Variants in GLS observed in about 807,000 individuals in gnomAD.
GLS encodes the protein glutaminase, also known as glutaminase kidney isoform, mitochondrial.
A neutral mutation model predicts 86.7 loss-of-function variants in GLS; 36 were observed. That is an observed-to-expected ratio of 0.42 (90% CI 0.32 to 0.55). The LOEUF is 0.55. Ranked by LOEUF, GLS falls within the 20% of genes least tolerant of loss-of-function variation. GLS has a pLI of 0.17. For synonymous variants in GLS, 317 were observed against 305.9 expected (o/e 1.04, Z -0.38); for missense variants, 528 against 833.4 (o/e 0.63, Z 4.51).
rs1000448465 is a variant in GLS, at chr2:190,949,914, C to G, written c.1651-3651C>G. ...TATATTTAATGAGAGAGACAAAAAACAAGTATATATAAAAATATATATACT... is the reference window on the plus strand; with the variant it reads ...TATATTTAATGAGAGAGACAAAAAAGAAGTATATATAAAAATATATATACT... On this transcript the variant is annotated intron_variant, in intron 14 of 17. Coordinates refer to ENST00000320717, the MANE Select transcript of GLS (RefSeq NM_014905.5). The surrounding 1 kb of genome is among the most constrained non-coding windows in gnomAD (Gnocchi z 4.0). 4.0e-5 allele frequency among the ~76,000 whole-genome samples: 6 copies of G among 149,242 alleles called. No individual in the cohort carries two copies. The highest frequency in any genetic ancestry group is 1.5e-4 in the African/African-American group (6 of 40,480).
chr2:190,894,291 A>G (rs1688656699), intron 1 of GLS, among the ~76,000 whole-genome samples: 1 of 152,234 alleles, frequency 6.6e-6, no homozygotes, highest in African/African-American at 2.4e-5. Flanking sequence ...TACTTATAAT[A>G]CCTAATAAAA....
chr2:190,880,915 GCAGCA>G lies in GLS; in HGVS notation c.-168_-164del, dbSNP rs1559309611. 14 of 917,054 alleles carry G rather than the reference GCAGCA, an allele frequency of 1.5e-5. No homozygotes were observed. The African/African-American group carries it at 2.4e-4, about 16-fold the overall frequency. The allele number at this position is 917,054 out of a possible 1,614,324, so 56.8% of individuals were successfully genotyped here. On this transcript the variant is annotated 5_prime_UTR_variant, in exon 1 of 18. Transcript: ENST00000320717. ...AGCAGCAGCAGCAGCAGCAGCAGCA[GCAGCA>G]CCCGCATCCGCTGCGGGAGTCCGAG...
rs914728136 is a variant in GLS, at chr2:190,947,017, A to G, written c.1651-6548A>G. On this transcript the variant is annotated intron_variant, in intron 14 of 17. Coordinates refer to ENST00000320717, the MANE Select transcript of GLS (RefSeq NM_014905.5). The surrounding 1 kb of genome is among the most constrained non-coding windows in gnomAD (Gnocchi z 5.0). Reference sequence around the variant, plus strand: ...ATATTTTATAACCAGCCTGTCAGGGATTTTTAAAAACAACTATAACTGTTT... The same window carrying G: ...ATATTTTATAACCAGCCTGTCAGGGGTTTTTAAAAACAACTATAACTGTTT... 2.0e-5 allele frequency among the ~76,000 whole-genome samples: 3 copies of G among 152,190 alleles called. No individual in the cohort carries two copies. Among genetic ancestry groups the G allele is most frequent in the African/African-American group, 7.2e-5 (3 of 41,458 alleles).
chr2:190,886,954 G>A (rs1029784526), intron 1 of GLS, among the ~76,000 whole-genome samples: 7 of 151,396 alleles, frequency 4.6e-5, no homozygotes, highest in Admixed American at 1.3e-4. Context: ...GTAAAAGGCT[G>A]TACTACTTCC....
intron 12 of GLS, among the ~76,000 whole-genome samples, chr2:190,927,896 A>G (rs1328972874): frequency 6.6e-6 from 1 of 152,210 alleles, no homozygotes; most frequent in Admixed American, 6.5e-5. Context: ...TTAAAACTTA[A>G]CAAAAATGTA....
At position 190,951,013 on chromosome 2, in the gene GLS, T is replaced by A. The variant is rs1478417506; in HGVS notation, c.1651-2552T>A. Reference sequence around the variant, plus strand: ...GTTTGAAGTGACTATCAAGTGGAGCTGTAGGACTGGAGCTTAGGAGAAAGA... The same window carrying A: ...GTTTGAAGTGACTATCAAGTGGAGCAGTAGGACTGGAGCTTAGGAGAAAGA... On this transcript the variant is annotated intron_variant, in intron 14 of 17. Coordinates refer to ENST00000320717, the MANE Select transcript of GLS (RefSeq NM_014905.5). The surrounding 1 kb of genome is among the most constrained non-coding windows in gnomAD (Gnocchi z 4.2). Among the ~76,000 whole-genome samples, 1 of 152,158 alleles carries A rather than the reference T, an allele frequency of 6.6e-6. No homozygotes were observed. The highest frequency in any genetic ancestry group is 2.4e-5 in the African/African-American group (1 of 41,426).
rs1054364532 is a variant in GLS, at chr2:190,895,898, G to A, written c.605+173G>A. The A allele has an allele frequency of 2.3e-5, 10 of 436,092 alleles. No individual in the cohort carries two copies. Among genetic ancestry groups the A allele is most frequent in the African/African-American group, 6.0e-5 (3 of 50,234 alleles). The allele number at this position is 436,092 out of a possible 1,614,324, so 27.0% of individuals were successfully genotyped here. On this transcript the variant is annotated intron_variant, in intron 3 of 17. Coordinates refer to ENST00000320717, the MANE Select transcript of GLS (RefSeq NM_014905.5). This position sits in a 1 kb window ranked among gnomAD's most constrained non-coding sequence, Gnocchi z 4.2. ...TACATATTAGGTTCTATAATACACCGGGCTAAGAGTATTCTTTCTTTAAAT... is the reference window on the plus strand; with the variant it reads ...TACATATTAGGTTCTATAATACACCAGGCTAAGAGTATTCTTTCTTTAAAT...
rs779430927 is a variant in GLS at position 190,914,886 on chromosome 2, A to G, written c.1038+4565A>G. Among the ~76,000 whole-genome samples the G allele has an allele frequency of 3.3e-5, 5 of 152,216 alleles. No homozygotes were observed. Among genetic ancestry groups the G allele is most frequent in the Non-Finnish European group, 7.3e-5 (5 of 68,040 alleles). Reference sequence around the variant, plus strand: ...GTTGTAAAAACTATAAAACATTGCAATATAGTTACATTAATTTTTTAATAG... The same window carrying G: ...GTTGTAAAAACTATAAAACATTGCAGTATAGTTACATTAATTTTTTAATAG... On this transcript the variant is annotated intron_variant, in intron 7 of 17. Transcript: ENST00000320717. This position sits in a 1 kb window ranked among gnomAD's most constrained non-coding sequence, Gnocchi z 4.4.
chr2:190,925,146 G>T lies in GLS; in HGVS notation c.1248+553G>T, dbSNP rs552690691. Among the ~76,000 whole-genome samples, 26 of 152,214 alleles carry T rather than the reference G, an allele frequency of 1.7e-4. 1 individual carries two copies. In the South Asian group the frequency reaches 5.2e-3, roughly 30 times the overall value. ...AAATAATGAACACTCCCAGAAATTGGCACTCTTAATTATAAACTGGGCTCT... is the reference window on the plus strand; with the variant it reads ...AAATAATGAACACTCCCAGAAATTGTCACTCTTAATTATAAACTGGGCTCT... On this transcript the variant is annotated intron_variant, in intron 11 of 17. Transcript: ENST00000320717.
chr2:190,945,741 ATGCAGTTCT>A (rs1193945460), intron 14 of GLS, among the ~76,000 whole-genome samples: 2 of 152,180 alleles, frequency 1.3e-5, no homozygotes, highest in Admixed American at 1.3e-4. Flanking sequence ...CAAGAACAGA[ATGCAGTTCT>A]TGGAGGTACC....
chr2:190,882,037 A>C (rs1344502712), intron 1 of GLS: 1 of 152,374 alleles, frequency 6.6e-6, no homozygotes, highest in Non-Finnish European at 1.5e-5. Context: ...TGGCTACCTC[A>C]GGCACGTGTA....
chr2:190,918,748 T>G lies in GLS; in HGVS notation c.1039-2276T>G, dbSNP rs75426211. 7.9e-5 allele frequency among the ~76,000 whole-genome samples: 12 copies of G among 152,254 alleles called. No individual in the cohort carries two copies. In the East Asian group the frequency reaches 2.3e-3, roughly 29 times the overall value. On this transcript the variant is annotated intron_variant, in intron 7 of 17. Transcript: ENST00000320717. ...AATAATCATTCTAGCTTTTTAAAAG[T>G]GAGAGATATACAACTCTTCCTTTCA...
intron 6 of GLS, among the ~76,000 whole-genome samples, chr2:190,907,145 C>T (rs188548439): frequency 3.4e-4 from 51 of 151,862 alleles, no homozygotes; most frequent in African/African-American, 1.2e-3. Flanking sequence ...AGGATGGTCT[C>T]GATCTCCTGA....
rs948012405 is a variant in GLS, at chr2:190,951,627, A to G, written c.1651-1938A>G. 6.6e-6 allele frequency among the ~76,000 whole-genome samples: 1 copy of G among 152,176 alleles called. No individual in the cohort carries two copies. Among genetic ancestry groups the G allele is most frequent in the Non-Finnish European group, 1.5e-5 (1 of 68,036 alleles). On this transcript the variant is annotated intron_variant, in intron 14 of 17. Coordinates refer to ENST00000320717, the MANE Select transcript of GLS (RefSeq NM_014905.5). This position sits in a 1 kb window ranked among gnomAD's most constrained non-coding sequence, Gnocchi z 4.2. ...GTTTTTATCTTTTTAGCAAAGTTGT[A>G]GTTAGGATCTTCTGTCTGTTTTTAG... is the stretch of plus-strand genomic sequence containing the variant.
chr2:190,942,067 CTTTTTTTTTTTTTT>C lies in GLS; in HGVS notation c.1650+10447_1650+10460del, dbSNP rs3036653. On this transcript the variant is annotated intron_variant, in intron 14 of 17. Transcript: ENST00000320717. ...AGAGTTTAGTGTGAAACTTTGAAGA[CTTTTTTTTTTTTTT>C]TTTTTTTTTTTTTTTTGAGACGGAG... Among the ~76,000 whole-genome samples the C allele has an allele frequency of 4.7e-4, 18 of 38,054 alleles. No homozygotes were observed. The East Asian group carries it at 0.01, about 22-fold the overall frequency. The allele number at this position is 38,054 out of a possible 152,430, so 25.0% of individuals were successfully genotyped here.
chr2:190,939,231 C>CA (rs1690358923), intron 14 of GLS, among the ~76,000 whole-genome samples: 1 of 151,694 alleles, frequency 6.6e-6, no homozygotes, highest in Admixed American at 6.6e-5. Flanking sequence ...TCTTCAGTAT[C>CA]AATCTCCATT....
Position 190,917,108 on chromosome 2 carries a change from T to C in GLS, c.1039-3916T>C, listed in dbSNP as rs113890711. Among the ~76,000 whole-genome samples, 5 of 152,352 alleles carry C rather than the reference T, an allele frequency of 3.3e-5. 1 individual carries two copies. The highest frequency in any genetic ancestry group is 1.2e-4 in the African/African-American group (5 of 41,574). On this transcript the variant is annotated intron_variant, in intron 7 of 17. Transcript: ENST00000320717. ...AAGATTTCTCTGTAGCATGCAATGC[T>C]GTTTGACAGCATTTTACTCAGAGTA...
chr2:190,933,935 A>G (rs947910829), intron 14 of GLS: 38 of 914,672 alleles, frequency 4.2e-5, no homozygotes, highest in East Asian at 2.4e-4. Context: ...TAAAAATGCA[A>G]TATTGAGAAT....
chr2:190,905,232 G>A lies in GLS; in HGVS notation c.979+65G>A, dbSNP rs1158681601. ...TCATTTTCCTATGTAAATCTAAGTC[G>A]TTTTAAACATTTTTTGATTAAAATT... On this transcript the variant is annotated intron_variant, in intron 6 of 17. Coordinates refer to ENST00000320717, the MANE Select transcript of GLS (RefSeq NM_014905.5). The surrounding 1 kb of genome is among the most constrained non-coding windows in gnomAD (Gnocchi z 4.6). 17 of 970,646 alleles carry A rather than the reference G, an allele frequency of 1.8e-5. No individual in the cohort carries two copies. The highest frequency in any genetic ancestry group is 5.3e-5 in the Admixed American group (2 of 37,396). 60.1% of individuals were successfully genotyped at this position (970,646 alleles called of 1,614,324 possible).
Sources: gnomAD v4.1 joint callset for allele counts (sites outside exome capture counted in the v4.1 genomes callset) on GRCh38, gnomAD v4.1.1 for gene constraint, Gnocchi (gnomAD v3.1) non-coding constraint, MANE v1.5 for transcripts, NCBI Gene and HGNC (gene_info 2026-07-23, HGNC 2026-07-21) for gene names.